Variants in PTPRM observed in about 807,000 individuals in gnomAD.
PTPRM encodes the protein protein tyrosine phosphatase receptor type M, also known as receptor-type tyrosine-protein phosphatase mu.
PTPRM carries 47 observed loss-of-function variants against 186.7 expected under a neutral mutation model. That is an observed-to-expected ratio of 0.25 (90% CI 0.20 to 0.32). The LOEUF is 0.32. Ranked by LOEUF, PTPRM falls within the 10% of genes least tolerant of loss-of-function variation. The probability of loss-of-function intolerance (pLI) is 1.00; values close to 1 mark genes in which losing one functional copy is unlikely to be tolerated. For synonymous variants in PTPRM, 668 were observed against 674.9 expected, an observed-to-expected ratio of 0.99 and a Z score of 0.16; for missense variants, 1,494 against 1,865.0, an observed-to-expected ratio of 0.80 and a Z score of 3.66.
At chr18:8,348,106 A>C (rs1355831061) in intron 23 of PTPRM, among the ~76,000 whole-genome samples, 1 of 152,286 alleles carries the variant, frequency 6.6e-6, no homozygotes, top group Non-Finnish European at 1.5e-5. Context: ...CCAAGAAATC[A>C]AAATGACATG....
rs1267672337 is a variant in PTPRM at position 7,888,255 on chromosome 18, G to A, written c.346G>A (p.Val116Ile). ...KSNSPPGLLN[V>I]YVKVNNGPLG... ...TAATTCTCCTCCGGGGTTACTCAATGTCTACGTGAAGGTCAATAACGGGCC... is the reference window on the plus strand; with the variant it reads ...TAATTCTCCTCCGGGGTTACTCAATATCTACGTGAAGGTCAATAACGGGCC... Residue 116 changes from valine to isoleucine, a missense_variant, in exon 3 of 33, where the codon GTC becomes ATC. Val to Ile is a conservative substitution (Grantham distance 29). Around this residue, in one of 3 missense-constraint regions of PTPRM, gnomAD observed 296 missense variants for 345.5 expected, o/e 0.86. Transcript: ENST00000580170. 2 of 1,613,982 alleles carry A rather than the reference G, an allele frequency of 1.2e-6. No homozygotes were observed. The highest frequency in any genetic ancestry group is 2.2e-5 in the East Asian group (1 of 44,876).
Position 7,569,923 on chromosome 18 carries a change from C to T in PTPRM, c.73+2032C>T, listed in dbSNP as rs945806401. 7.2e-5 allele frequency among the ~76,000 whole-genome samples: 11 copies of T among 152,286 alleles called. No individual in the cohort carries two copies. The East Asian group carries it at 1.9e-3, about 27-fold the overall frequency. On this transcript the variant is annotated intron_variant, in intron 1 of 32. Transcript: ENST00000580170. ...TCCTGGCATGCTAGTGGGTAAAGGG[C>T]AGCATCCAAGCCATGCCTCAGAAAC...
chr18:7,779,408 G>A (rs1287851161), intron 2 of PTPRM, among the ~76,000 whole-genome samples: 1 of 152,184 alleles, frequency 6.6e-6, no homozygotes, highest in African/African-American at 2.4e-5. Context: ...GTCTGTGGGT[G>A]CCCGTATGAA....
At chr18:8,328,666 G>A (rs926079004) in intron 22 of PTPRM, among the ~76,000 whole-genome samples, 4 of 152,118 alleles carry the variant, frequency 2.6e-5, no homozygotes, top group Non-Finnish European at 5.9e-5. Context: ...ATATACAGGC[G>A]AACAGTGACT....
intron 23 of PTPRM, among the ~76,000 whole-genome samples, chr18:8,366,158 C>T (rs1183743264): frequency 2.0e-5 from 3 of 152,196 alleles, no homozygotes; most frequent in African/African-American, 4.8e-5. Flanking sequence ...AACTCTCTGC[C>T]ATAGGACTTA....
chr18:8,183,001 C>G (rs920828559), intron 14 of PTPRM, among the ~76,000 whole-genome samples: 1 of 152,108 alleles, frequency 6.6e-6, no homozygotes, highest in Non-Finnish European at 1.5e-5. Flanking sequence ...CTTGCCACAC[C>G]AAGAGTTGTA....
At chr18:7,951,988 T>C (rs1395509043) in intron 6 of PTPRM, among the ~76,000 whole-genome samples, 2 of 152,142 alleles carry the variant, frequency 1.3e-5, no homozygotes, top group Admixed American at 6.5e-5. Context: ...AGTCCTTTAA[T>C]TGACTAACCA....
chr18:8,109,455 A>G (rs763694653), intron 11 of PTPRM, among the ~76,000 whole-genome samples: 1 of 152,236 alleles, frequency 6.6e-6, no homozygotes, highest in African/African-American at 2.4e-5. Flanking sequence ...TTTCTTTAAT[A>G]TATCTGAAGA....
intron 1 of PTPRM, among the ~76,000 whole-genome samples, chr18:7,597,558 C>T (rs2037297318): frequency 6.6e-6 from 1 of 152,076 alleles, no homozygotes; most frequent in Non-Finnish European, 1.5e-5. Context: ...ACTGCCACAA[C>T]CTGAGGTCAG....
rs766403029 is a variant in PTPRM, at chr18:8,394,534, C to T, written c.4267C>T (p.Arg1423Trp). The T allele has an allele frequency of 1.1e-5, 18 of 1,613,640 alleles. No homozygotes were observed. Among genetic ancestry groups the T allele is most frequent in the Admixed American group, 1.0e-4 (6 of 59,974 alleles). The change falls in exon 32 of 33, where the codon CGG becomes TGG. Residue 1423 changes from arginine to tryptophan, a missense_variant. This residue lies in a region of PTPRM where 1,107 missense variants were observed against 1,350.2 expected (regional missense o/e 0.82). Transcript: ENST00000580170. ...CAISIVCEML[R>W]HQRTVDVFHA... ...CATCAGCATCGTATGTGAGATGCTC[C>T]GGCACCAGAGAACCGTGGATGTCTT...
intron 11 of PTPRM, among the ~76,000 whole-genome samples, chr18:8,098,909 T>G (rs772131595): frequency 2.6e-5 from 4 of 152,162 alleles, no homozygotes; most frequent in Admixed American, 6.5e-5. Context: ...GTCTCCCTAT[T>G]GCCTTCAGCA....
intron 15 of PTPRM, among the ~76,000 whole-genome samples, chr18:8,244,490 G>A (rs1282832406): frequency 6.6e-6 from 1 of 152,110 alleles, no homozygotes; most frequent in African/African-American, 2.4e-5. Context: ...GAGGAAGAAG[G>A]CACCTGCTTC....
At position 8,280,711 on chromosome 18, in the gene PTPRM, T is replaced by C. The variant is rs564739426; in HGVS notation, c.2755-15657T>C. ...CCCTAACAGCCATCATATCAGGCAG[T>C]GCAGACTAGAATGTTTCTGCCAACG... On this transcript the variant is annotated intron_variant, in intron 19 of 32. Transcript: ENST00000580170. Among the ~76,000 whole-genome samples the C allele has an allele frequency of 3.9e-5, 6 of 152,326 alleles. No individual in the cohort carries two copies. In the South Asian group the frequency reaches 1.2e-3, roughly 32 times the overall value.
chr18:7,965,522 G>A (rs113143721), intron 7 of PTPRM, among the ~76,000 whole-genome samples: 9 of 152,260 alleles, frequency 5.9e-5, no homozygotes, highest in African/African-American at 2.2e-4. Context: ...TCTTGGTGGT[G>A]TGGATGTAAG....
intron 3 of PTPRM, among the ~76,000 whole-genome samples, chr18:7,891,128 A>AT (rs1449364814): frequency 2.1e-5 from 3 of 145,872 alleles, no homozygotes; most frequent in Non-Finnish European, 3.0e-5. Context: ...AAAAAAAAAA[A>AT]CAACAAAATT....
intron 19 of PTPRM, among the ~76,000 whole-genome samples, chr18:8,295,252 A>G (rs1168902380): frequency 6.6e-6 from 1 of 152,180 alleles, no homozygotes; most frequent in African/African-American, 2.4e-5. Flanking sequence ...AGTTTACCTC[A>G]TGGGGGAGAG....
chr18:8,292,062 T>G (rs2095049041), intron 19 of PTPRM, among the ~76,000 whole-genome samples: 1 of 152,186 alleles, frequency 6.6e-6, no homozygotes, highest in Non-Finnish European at 1.5e-5. Context: ...GCCCTGAGAA[T>G]TGTTAGCCAG....
intron 23 of PTPRM, among the ~76,000 whole-genome samples, chr18:8,367,828 T>C (rs1186175697): frequency 6.6e-6 from 1 of 152,212 alleles, no homozygotes; most frequent in Non-Finnish European, 1.5e-5. Context: ...ATTTTTGAAA[T>C]TCGAGAACAA....
chr18:7,946,967 C>A, intron 5 of PTPRM: 1 of 456,250 alleles, frequency 2.2e-6, no homozygotes, highest in South Asian at 1.5e-5. Context: ...GGAACCCTCT[C>A]CCTCCATCCT....
Sources: allele counts gnomAD v4.1 joint callset (sites outside exome capture counted in the v4.1 genomes callset), GRCh38; gene constraint gnomAD v4.1.1; regional missense constraint gnomAD v4.1.1; transcripts MANE v1.5; gene names NCBI Gene and HGNC (gene_info 2026-07-23, HGNC 2026-07-21).